SLC4A10: variants seen among roughly 807,000 people sequenced by gnomAD.
SLC4A10 encodes the protein solute carrier family 4 member 10.
In SLC4A10, 42 loss-of-function variants were observed where a neutral mutation model predicts 137.7. The observed-to-expected ratio is 0.30, with a 90% CI of 0.24 to 0.39. The LOEUF (loss-of-function observed/expected upper bound fraction) is 0.39. SLC4A10 is among the 10% of genes least tolerant of loss of function. The pLI is 1.00. For synonymous variants in SLC4A10, 474 were observed against 464.1 expected, an observed-to-expected ratio of 1.02 and a Z score of -0.27; for missense variants, 925 against 1,355.0, an observed-to-expected ratio of 0.68 and a Z score of 4.98.
intron 4 of SLC4A10, among the ~76,000 whole-genome samples, chr2:161,850,967 T>C (rs146706600): frequency 6.6e-6 from 1 of 152,304 alleles, no homozygotes; most frequent in East Asian, 1.9e-4. Context: ...CTTCATTGTT[T>C]ACCCAAATCA....
chr2:161,699,316 G>A (rs539832363), intron 1 of SLC4A10, among the ~76,000 whole-genome samples: 17 of 152,188 alleles, frequency 1.1e-4, no homozygotes, highest in African/African-American at 3.1e-4. Context: ...CACCGCACCC[G>A]GCCGACATTT....
chr2:161,917,575 CTAAAAA>C (rs1687346909), intron 15 of SLC4A10, among the ~76,000 whole-genome samples: 1 of 135,914 alleles, frequency 7.4e-6, no homozygotes. Context: ...GAGACCCTGT[CTAAAAA>C]AAAAAAAAAA....
chr2:161,973,639 A>G (rs1257152804), intron 23 of SLC4A10, among the ~76,000 whole-genome samples: 1 of 152,160 alleles, frequency 6.6e-6, no homozygotes, highest in East Asian at 1.9e-4. Flanking sequence ...AGATATTAAT[A>G]TCTTCTACTG....
intron 1 of SLC4A10, among the ~76,000 whole-genome samples, chr2:161,711,957 C>T (rs1411177602): frequency 6.6e-6 from 1 of 151,766 alleles, no homozygotes; most frequent in Non-Finnish European, 1.5e-5. Flanking sequence ...CATCCTTTGT[C>T]GACAGACTTT....
At chr2:161,662,326 C>T (rs1222116906) in intron 1 of SLC4A10, among the ~76,000 whole-genome samples, 2 of 151,970 alleles carry the variant, frequency 1.3e-5, no homozygotes, top group African/African-American at 4.8e-5. Flanking sequence ...TTACAGTTTC[C>T]TTAAAATTGT....
At chr2:161,890,649 G>T (rs2062817835) in intron 10 of SLC4A10, among the ~76,000 whole-genome samples, 1 of 151,984 alleles carries the variant, frequency 6.6e-6, no homozygotes, top group African/African-American at 2.4e-5. Context: ...CTTGGTAAAT[G>T]TTCCTCTATC....
intron 10 of SLC4A10, among the ~76,000 whole-genome samples, chr2:161,894,350 G>T (rs528526998): frequency 6.6e-5 from 10 of 151,998 alleles, no homozygotes; most frequent in African/African-American, 1.7e-4. Flanking sequence ...GTAAGCAAAG[G>T]CTTCCTCCAG....
intron 1 of SLC4A10, among the ~76,000 whole-genome samples, chr2:161,723,454 C>T (rs571899783): frequency 6.6e-6 from 1 of 152,310 alleles, no homozygotes; most frequent in Non-Finnish European, 1.5e-5. Flanking sequence ...TGTGACTTGA[C>T]TTTCATTGGT....
intron 3 of SLC4A10, among the ~76,000 whole-genome samples, chr2:161,814,895 C>T (rs1202970775): frequency 6.6e-6 from 1 of 151,980 alleles, no homozygotes; most frequent in Non-Finnish European, 1.5e-5. Context: ...ATATAACAAG[C>T]CTGCACATGT....
chr2:161,715,587 T>G (rs527260489), intron 1 of SLC4A10, among the ~76,000 whole-genome samples: 1 of 152,022 alleles, frequency 6.6e-6, no homozygotes, highest in South Asian at 2.1e-4. Context: ...TGAGAACATG[T>G]GGTATTTGGT....
At chr2:161,746,463 C>G (rs933563002) in intron 1 of SLC4A10, among the ~76,000 whole-genome samples, 2 of 151,880 alleles carry the variant, frequency 1.3e-5, no homozygotes, top group African/African-American at 4.8e-5. Flanking sequence ...TTCTGCCAGG[C>G]CTAGGTCTCT....
intron 1 of SLC4A10, among the ~76,000 whole-genome samples, chr2:161,660,348 G>A (rs569659727): frequency 4.1e-4 from 63 of 152,134 alleles, no homozygotes; most frequent in Non-Finnish European, 6.6e-4. Context: ...ACATTTTATC[G>A]TGTGGCACGT....
At chr2:161,855,821 T>C (rs940453342) in intron 5 of SLC4A10, among the ~76,000 whole-genome samples, 2 of 151,918 alleles carry the variant, frequency 1.3e-5, no homozygotes, top group Non-Finnish European at 2.9e-5. Context: ...ATAAATGAAA[T>C]AATTGATGGA....
At chr2:161,851,679 A>G (rs2059841438) in intron 4 of SLC4A10, among the ~76,000 whole-genome samples, 1 of 152,078 alleles carries the variant, frequency 6.6e-6, no homozygotes, top group Non-Finnish European at 1.5e-5. Flanking sequence ...AAAGGGTTTT[A>G]TCATTCTATA....
intron 1 of SLC4A10, among the ~76,000 whole-genome samples, chr2:161,763,558 G>T (rs1299440973): frequency 6.6e-6 from 1 of 152,086 alleles, no homozygotes; most frequent in Non-Finnish European, 1.5e-5. Flanking sequence ...AAGGAATGAG[G>T]TGTGGGAGCA....
chr2:161,764,952 GA>G (rs1433243762), intron 1 of SLC4A10, among the ~76,000 whole-genome samples: 1 of 152,114 alleles, frequency 6.6e-6, no homozygotes, highest in Non-Finnish European at 1.5e-5. Flanking sequence ...CATTTGATTA[GA>G]AGCCTATGTA....
At chr2:161,659,547 A>AT (rs2038012305) in intron 1 of SLC4A10, among the ~76,000 whole-genome samples, 1 of 152,164 alleles carries the variant, frequency 6.6e-6, no homozygotes, top group Non-Finnish European at 1.5e-5. Context: ...ACATGTGTAT[A>AT]TTTTTTGGGT....
chr2:161,862,735 G>T, intron 5 of SLC4A10, 139 bp from the exon 6 acceptor site: 1 of 623,270 alleles, frequency 1.6e-6, no homozygotes, highest in Non-Finnish European at 2.4e-6. Flanking sequence ...AGCATGCTTA[G>T]AGATTTTTTA....
In SLC4A10 at chr2:161,830,453, G is replaced by A. The variant is rs147137695; in HGVS notation, c.278-9336G>A. On this transcript the variant is annotated intron_variant, in intron 3 of 26. Transcript: ENST00000446997. Reference sequence around the variant, plus strand: ...ATGGATTTACTCTGAACTTCTAGCTGCTCTTAAGGTAGTTGTGAGGTTTTT... The same window carrying A: ...ATGGATTTACTCTGAACTTCTAGCTACTCTTAAGGTAGTTGTGAGGTTTTT... 1.1e-3 allele frequency among the ~76,000 whole-genome samples: 169 copies of A among 150,498 alleles called. 1 individual carries two copies. The East Asian group carries it at 0.031, about 28-fold the overall frequency.
Sources: gnomAD v4.1 joint callset for allele counts (sites outside exome capture counted in the v4.1 genomes callset) on GRCh38, gnomAD v4.1.1 for gene constraint, MANE v1.5 for transcripts, NCBI Gene and HGNC (gene_info 2026-07-23, HGNC 2026-07-21) for gene names.